The following TRMT11 variants were observed in gnomAD, a reference collection of about 807,000 sequenced individuals.
TRMT11 encodes the protein tRNA methyltransferase 11, also known as tRNA (guanine(10)-N(2))-methyltransferase TRMT11.
A neutral mutation model predicts 62.8 loss-of-function variants in TRMT11; 53 were observed. The observed-to-expected ratio is 0.84, with a 90% CI of 0.68 to 1.06. The LOEUF is 1.06. Ranked by LOEUF, TRMT11 falls within the 50% of genes least tolerant of loss-of-function variation. TRMT11 has a pLI of 0.00. For missense variants in TRMT11, 556 were observed against 553.4 expected (o/e 1.00, Z -0.05); for synonymous variants, 188 against 190.3 (o/e 0.99, Z 0.10).
the TRMT11 span, among the ~76,000 whole-genome samples, chr6:126,255,269 G>A: frequency 6.6e-6 from 1 of 152,088 alleles, no homozygotes; most frequent in Non-Finnish European, 1.5e-5. Flanking sequence ...AGCTAGAATT[G>A]AAAGCAAATA....
chr6:126,093,625 A>ATTTTTTTTTTTTTTTTTTT (rs1483189635), intron 17 of TRMT11, among the ~76,000 whole-genome samples: 1 of 103,522 alleles, frequency 9.7e-6, no homozygotes, highest in African/African-American at 4.8e-5. Context: ...ATATATATAT[A>ATTTTTTTTTTTTTTTTTTT]TATATATTTT....
At chr6:126,233,702 A>G in the TRMT11 span, among the ~76,000 whole-genome samples, 4 of 152,178 alleles carry the variant, frequency 2.6e-5, no homozygotes, top group Non-Finnish European at 5.9e-5. Flanking sequence ...AAAAGGCTTT[A>G]ATTTTAATTT....
chr6:126,269,107 C>CA, the TRMT11 span, among the ~76,000 whole-genome samples: 108 of 150,138 alleles, frequency 7.2e-4, no homozygotes, highest in Non-Finnish European at 1.4e-3. Context: ...ACTAAAAATA[C>CA]AAAAAAATTA....
chr6:126,162,486 C>T (rs572874893), intron 21 of TRMT11, among the ~76,000 whole-genome samples: 5 of 152,186 alleles, frequency 3.3e-5, no homozygotes, highest in Non-Finnish European at 7.3e-5. Context: ...AGTTTGAAGT[C>T]AGCTAGTGTG....
At chr6:126,210,013 T>G in the TRMT11 span, among the ~76,000 whole-genome samples, 1 of 152,208 alleles carries the variant, frequency 6.6e-6, no homozygotes, top group African/African-American at 2.4e-5. Flanking sequence ...ATGGCCCCCA[T>G]GATTACCATC....
chr6:126,170,219 CTTCTG>C (rs1463461448), intron 21 of TRMT11, among the ~76,000 whole-genome samples: 10 of 152,092 alleles, frequency 6.6e-5, no homozygotes, highest in African/African-American at 1.2e-4. Flanking sequence ...TTATTTTTCA[CTTCTG>C]TTCAGTTTGT....
chr6:126,149,809 A>G lies in TRMT11; in HGVS notation c.*1824-25016A>G, dbSNP rs79993147. On this transcript the variant is annotated intron_variant and NMD_transcript_variant, in intron 21 of 22. Transcript: ENST00000648977. Reference sequence around the variant, plus strand: ...ATTCTGCAGTGCTCAGGACTATACAACTGAAGAATTTTCCCACCTGAGCAG... The same window carrying G: ...ATTCTGCAGTGCTCAGGACTATACAGCTGAAGAATTTTCCCACCTGAGCAG... Among the ~76,000 whole-genome samples the G allele has an allele frequency of 2.3e-3, 352 of 152,264 alleles. 3 individuals carry two copies. The highest frequency in any genetic ancestry group is 7.9e-3 in the African/African-American group (329 of 41,554).
chr6:126,101,932 A>T (rs1049688403), intron 17 of TRMT11, among the ~76,000 whole-genome samples: 1 of 152,210 alleles, frequency 6.6e-6, no homozygotes, highest in East Asian at 1.9e-4. Flanking sequence ...AACTCCTGGG[A>T]CTTATGTTCC....
intron 17 of TRMT11, among the ~76,000 whole-genome samples, chr6:126,065,905 G>A (rs560925615): frequency 6.6e-6 from 1 of 152,260 alleles, no homozygotes; most frequent in African/African-American, 2.4e-5. Context: ...AATTTATCAT[G>A]ATCATAAAAG....
intron 2 of TRMT11, among the ~76,000 whole-genome samples, chr6:125,994,279 C>T (rs1791096292): frequency 6.6e-6 from 1 of 150,972 alleles, no homozygotes; most frequent in Non-Finnish European, 1.5e-5. Context: ...TCCTTCTTGA[C>T]GTGACTTATA....
intron 16 of TRMT11, among the ~76,000 whole-genome samples, chr6:126,047,745 G>T (rs745745587): frequency 1.7e-4 from 26 of 152,206 alleles, no homozygotes; most frequent in Non-Finnish European, 3.8e-4. Context: ...TCCTGCATCT[G>T]CCTGTCTGCA....
chr6:126,012,729 G>A, intron 9 of TRMT11, 42 bp from the exon 10 acceptor site: 1 of 1,498,904 alleles, frequency 6.7e-7, no homozygotes, highest in Non-Finnish European at 9.2e-7. Flanking sequence ...TCCATGATTT[G>A]GTGACTTTTG....
At chr6:126,057,682 G>A (rs987130762) in intron 17 of TRMT11, among the ~76,000 whole-genome samples, 13 of 152,314 alleles carry the variant, frequency 8.5e-5, no homozygotes, top group African/African-American at 2.9e-4. Context: ...CTGCCTAGGC[G>A]GTAATTAGTC....
intron 17 of TRMT11, among the ~76,000 whole-genome samples, chr6:126,076,776 A>G (rs1348808547): frequency 6.6e-6 from 1 of 152,184 alleles, no homozygotes; most frequent in Non-Finnish European, 1.5e-5. Flanking sequence ...CCCTAGTTCA[A>G]CCATTGAAGA....
At chr6:125,992,067 G>A (rs1005297293) in intron 1 of TRMT11, among the ~76,000 whole-genome samples, 1 of 152,178 alleles carries the variant, frequency 6.6e-6, no homozygotes, top group African/African-American at 2.4e-5. Flanking sequence ...AGTTGAATTT[G>A]CCATAAGATT....
intron 17 of TRMT11, among the ~76,000 whole-genome samples, chr6:126,066,545 G>A (rs1266110560): frequency 6.6e-6 from 1 of 152,088 alleles, no homozygotes; most frequent in African/African-American, 2.4e-5. Context: ...TCCTATCATG[G>A]GGGCCCCACC....
the TRMT11 span, among the ~76,000 whole-genome samples, chr6:126,230,840 A>G: frequency 2.6e-5 from 4 of 152,166 alleles, no homozygotes; most frequent in South Asian, 2.1e-4. Flanking sequence ...TGACTGTGCT[A>G]TATTGTATAT....
intron 17 of TRMT11, among the ~76,000 whole-genome samples, chr6:126,072,852 C>A (rs995083807): frequency 2.0e-5 from 3 of 152,142 alleles, no homozygotes; most frequent in Admixed American, 6.5e-5. Flanking sequence ...GTTCCACCCT[C>A]ATGATCTAAT....
chr6:126,163,616 CGT>C (rs1419381326), intron 21 of TRMT11, among the ~76,000 whole-genome samples: 7 of 152,126 alleles, frequency 4.6e-5, no homozygotes, highest in Non-Finnish European at 1.0e-4. Flanking sequence ...GGAATAGTTT[CGT>C]AAGGAATGGT....
Sources: allele counts gnomAD v4.1 joint callset (sites outside exome capture counted in the v4.1 genomes callset), GRCh38; gene constraint gnomAD v4.1.1; transcripts MANE v1.5; gene names NCBI Gene and HGNC (gene_info 2026-07-23, HGNC 2026-07-21).